Variants in CDH4 observed in about 807,000 individuals in gnomAD.
CDH4 encodes the protein cadherin 4, also known as cadherin-4.
CDH4 carries 33 observed loss-of-function variants against 86.0 expected under a neutral mutation model. That is an observed-to-expected ratio of 0.38 (90% CI 0.29 to 0.51). The LOEUF (loss-of-function observed/expected upper bound fraction) is 0.51. Ranked by LOEUF, CDH4 falls within the 20% of genes least tolerant of loss-of-function variation. The pLI is 0.86. For synonymous variants in CDH4, 555 were observed against 549.4 expected (o/e 1.01, Z -0.14); for missense variants, 1,114 against 1,307.4 (o/e 0.85, Z 2.28).
intron 2 of CDH4, among the ~76,000 whole-genome samples, chr20:61,342,257 T>A (rs914732008): frequency 2.6e-5 from 4 of 152,192 alleles, no homozygotes; most frequent in Admixed American, 6.5e-5. Context: ...TCAAGCGCTT[T>A]ACATTTATTG....
chr20:61,566,864 G>A (rs1221469039), intron 2 of CDH4, among the ~76,000 whole-genome samples: 1 of 152,032 alleles, frequency 6.6e-6, no homozygotes, highest in Non-Finnish European at 1.5e-5. Context: ...TTGCGCGGGA[G>A]GCTGCCGATG....
At chr20:61,632,824 T>TCCTCTC (rs2086904874) in intron 2 of CDH4, among the ~76,000 whole-genome samples, 1 of 124,420 alleles carries the variant, frequency 8.0e-6, no homozygotes, top group Admixed American at 8.2e-5. Context: ...CGCTTCCTCT[T>TCCTCTC]CCTCTCCTCC....
At chr20:61,620,211 C>CGGATGGATGGATGG (rs2086762747) in intron 2 of CDH4, among the ~76,000 whole-genome samples, 1 of 68,678 alleles carries the variant, frequency 1.5e-5, no homozygotes, top group African/African-American at 7.9e-5. Context: ...GATGGACAGA[C>CGGATGGATGGATGG]AGGCAGGCTG....
At chr20:61,888,850 G>A (rs972395467) in intron 7 of CDH4, among the ~76,000 whole-genome samples, 1 of 151,498 alleles carries the variant, frequency 6.6e-6, no homozygotes, top group East Asian at 1.9e-4. Context: ...GTGTAGAACT[G>A]GGGAGGTCAT....
At chr20:61,283,363 C>T (rs866120704) in intron 2 of CDH4, among the ~76,000 whole-genome samples, 16 of 116,308 alleles carry the variant, frequency 1.4e-4, no homozygotes, top group Admixed American at 4.7e-4. Flanking sequence ...CGTGCTGTGG[C>T]GTGTGTGATG....
At chr20:61,391,870 G>A (rs1409750466) in intron 2 of CDH4, among the ~76,000 whole-genome samples, 1 of 152,180 alleles carries the variant, frequency 6.6e-6, no homozygotes. Context: ...GACGCTAGGA[G>A]GGACAGCAGC....
chr20:61,374,795 G>A (rs1261933248), intron 2 of CDH4, among the ~76,000 whole-genome samples: 2 of 152,114 alleles, frequency 1.3e-5, no homozygotes, highest in Admixed American at 6.5e-5. Context: ...TACCTCTCTG[G>A]CATTAACATC....
At position 61,378,932 on chromosome 20, in the gene CDH4, T is replaced by A. The variant is rs115642748; in HGVS notation, c.169+123995T>A. 3.1e-3 allele frequency among the ~76,000 whole-genome samples: 466 copies of A among 152,290 alleles called. 2 individuals carry two copies. The highest frequency in any genetic ancestry group is 0.01 in the African/African-American group (434 of 41,564). ...CATTGACATTAGTCCAGTCCACAGA[T>A]GTTAAGCATCCATTTTTTACTGAGG... is the stretch of plus-strand genomic sequence containing the variant. On this transcript the variant is annotated intron_variant, in intron 2 of 15. Coordinates refer to ENST00000614565, the MANE Select transcript of CDH4 (RefSeq NM_001794.5).
chr20:61,423,961 C>T (rs1427653372), intron 2 of CDH4, among the ~76,000 whole-genome samples: 1 of 152,176 alleles, frequency 6.6e-6, no homozygotes. Context: ...ATGCCCACAC[C>T]TACAAATGAA....
chr20:61,592,214 A>G (rs1449001383), intron 2 of CDH4, among the ~76,000 whole-genome samples: 2 of 152,192 alleles, frequency 1.3e-5, no homozygotes, highest in African/African-American at 4.8e-5. Context: ...GTAATAAGAA[A>G]TATATTTAAG....
At chr20:61,369,450 CAAAAAAAAAAA>C (rs144885482) in intron 2 of CDH4, among the ~76,000 whole-genome samples, 6 of 56,586 alleles carry the variant, frequency 1.1e-4, no homozygotes, top group Admixed American at 1.1e-3. Flanking sequence ...GACTCTGTCT[CAAAAAAAAAAA>C]AAAAAAAAAA....
intron 2 of CDH4, among the ~76,000 whole-genome samples, chr20:61,434,449 G>C (rs2085269079): frequency 6.6e-6 from 1 of 152,150 alleles, no homozygotes; most frequent in Non-Finnish European, 1.5e-5. Flanking sequence ...TTATGAGATA[G>C]ATTGCACGTT....
intron 2 of CDH4, among the ~76,000 whole-genome samples, chr20:61,395,344 A>G (rs902506712): frequency 4.6e-5 from 7 of 152,208 alleles, no homozygotes; most frequent in Admixed American, 3.3e-4. Flanking sequence ...GCAAAAATAA[A>G]TTTGTATTAA....
At chr20:61,380,829 T>C (rs2084896662) in intron 2 of CDH4, among the ~76,000 whole-genome samples, 1 of 152,218 alleles carries the variant, frequency 6.6e-6, no homozygotes, top group African/African-American at 2.4e-5. Context: ...TACAAAGAAA[T>C]ATGTCATCTG....
chr20:61,624,012 G>A (rs1207067661), intron 2 of CDH4, among the ~76,000 whole-genome samples: 1 of 152,178 alleles, frequency 6.6e-6, no homozygotes, highest in Non-Finnish European at 1.5e-5. Flanking sequence ...AGATGCTGGT[G>A]TGCAAATCTG....
chr20:61,479,859 C>T (rs942302579), intron 2 of CDH4, among the ~76,000 whole-genome samples: 3 of 152,166 alleles, frequency 2.0e-5, no homozygotes, highest in African/African-American at 4.8e-5. Context: ...CCCCATAGCT[C>T]GCTGATTCTG....
Position 61,839,244 on chromosome 20 carries a change from C to A in CDH4, c.577-5424C>A, listed in dbSNP as rs77716566. ...GCAAGGCCCATGAATGCAGAATGGC[C>A]GCCCCTTTCCATTCTGAAAGGATAT... On this transcript the variant is annotated intron_variant, in intron 4 of 15. Coordinates refer to ENST00000614565, the MANE Select transcript of CDH4 (RefSeq NM_001794.5). Among the ~76,000 whole-genome samples the A allele has an allele frequency of 3.1e-3, 475 of 152,242 alleles. 1 individual carries two copies. The highest frequency in any genetic ancestry group is 0.011 in the African/African-American group (450 of 41,546).
chr20:61,792,706 T>C (rs1424343790), intron 4 of CDH4, among the ~76,000 whole-genome samples: 1 of 151,924 alleles, frequency 6.6e-6, no homozygotes, highest in African/African-American at 2.4e-5. Flanking sequence ...GCTGGAGTGT[T>C]GTGGCATGAT....
intron 3 of CDH4, among the ~76,000 whole-genome samples, chr20:61,769,598 C>T (rs1345356119): frequency 6.6e-6 from 1 of 152,174 alleles, no homozygotes; most frequent in Non-Finnish European, 1.5e-5. Flanking sequence ...TCCTGGCGTC[C>T]GAATCCTGCC....
Sources: gnomAD v4.1 joint callset for allele counts (sites outside exome capture counted in the v4.1 genomes callset) on GRCh38, gnomAD v4.1.1 for gene constraint, MANE v1.5 for transcripts, NCBI Gene and HGNC (gene_info 2026-07-23, HGNC 2026-07-21) for gene names.